Variants in ANKRD44 observed in about 807,000 individuals in gnomAD.
ANKRD44 encodes serine/threonine-protein phosphatase 6 regulatory ankyrin repeat subunit B.
ANKRD44 carries 35 observed loss-of-function variants against 116.0 expected under a neutral mutation model. That is an observed-to-expected ratio of 0.30 (90% CI 0.23 to 0.40). The LOEUF is 0.40. Ranked by LOEUF, ANKRD44 falls within the 10% of genes least tolerant of loss-of-function variation. The pLI, the probability that ANKRD44 is intolerant of heterozygous loss-of-function variation, is 1.00. For synonymous variants in ANKRD44, 435 were observed against 461.8 expected, an observed-to-expected ratio of 0.94 and a Z score of 0.74; for missense variants, 1,014 against 1,242.6, an observed-to-expected ratio of 0.82 and a Z score of 2.77.
chr2:197,092,591 T>C (rs1237035280), intron 10 of ANKRD44, among the ~76,000 whole-genome samples: 1 of 152,212 alleles, frequency 6.6e-6, no homozygotes, highest in Non-Finnish European at 1.5e-5. Flanking sequence ...CCTTTCCCTA[T>C]ATGGAGATTC....
intron 1 of ANKRD44, among the ~76,000 whole-genome samples, chr2:197,259,658 G>A (rs148314393): frequency 2.6e-5 from 4 of 152,236 alleles, no homozygotes; most frequent in Non-Finnish European, 4.4e-5. Flanking sequence ...AGCATATGCC[G>A]CAGACTCCAA....
At chr2:197,082,182 G>T (rs1015836061) in intron 14 of ANKRD44, among the ~76,000 whole-genome samples, 2 of 152,156 alleles carry the variant, frequency 1.3e-5, no homozygotes, top group Non-Finnish European at 2.9e-5. Context: ...CTTGACAGAT[G>T]AAGTATATTG....
chr2:197,306,520 C>T (rs930109200), intron 1 of ANKRD44, among the ~76,000 whole-genome samples: 3 of 152,222 alleles, frequency 2.0e-5, no homozygotes, highest in Non-Finnish European at 4.4e-5. Flanking sequence ...AGTGCACTCT[C>T]AAAACCATGT....
chr2:196,969,062 T>C (rs1347813561), intron 21 of ANKRD44, among the ~76,000 whole-genome samples: 1 of 152,174 alleles, frequency 6.6e-6, no homozygotes, highest in African/African-American at 2.4e-5. Flanking sequence ...ATTCAGGCAC[T>C]GTGTTAGGTA....
At chr2:197,069,135 C>T (rs1213296024) in intron 16 of ANKRD44, among the ~76,000 whole-genome samples, 1 of 152,152 alleles carries the variant, frequency 6.6e-6, no homozygotes, top group East Asian at 1.9e-4. Flanking sequence ...AGGATGAGTT[C>T]ATGTCCTTTG....
chr2:197,281,299 T>G (rs1228255134), intron 1 of ANKRD44, among the ~76,000 whole-genome samples: 2 of 152,132 alleles, frequency 1.3e-5, no homozygotes, highest in African/African-American at 4.8e-5. Context: ...TATTGTAAAT[T>G]CCATTAAGGC....
chr2:197,043,265 T>C (rs952636876), intron 16 of ANKRD44, among the ~76,000 whole-genome samples: 1 of 152,236 alleles, frequency 6.6e-6, no homozygotes, highest in African/African-American at 2.4e-5. Context: ...TAATTCTATA[T>C]CATTCAGAAG....
chr2:197,245,812 C>T (rs1278606791), intron 1 of ANKRD44, among the ~76,000 whole-genome samples: 1 of 152,216 alleles, frequency 6.6e-6, no homozygotes, highest in African/African-American at 2.4e-5. Context: ...CAAATAAAAG[C>T]TCAACCTAAA....
chr2:197,283,076 T>C (rs948130945), intron 1 of ANKRD44, among the ~76,000 whole-genome samples: 4 of 152,188 alleles, frequency 2.6e-5, no homozygotes, highest in African/African-American at 9.7e-5. Flanking sequence ...AATGCTTTTA[T>C]AGATATGTAT....
At chr2:197,200,870 T>C (rs2081078768) in intron 1 of ANKRD44, among the ~76,000 whole-genome samples, 4 of 152,244 alleles carry the variant, frequency 2.6e-5, no homozygotes. Flanking sequence ...TCACTCTATG[T>C]TGCAATAGTA....
chr2:197,270,195 G>A (rs1192677407), intron 1 of ANKRD44, among the ~76,000 whole-genome samples: 1 of 152,148 alleles, frequency 6.6e-6, no homozygotes, highest in East Asian at 1.9e-4. Context: ...AGCAGGGATT[G>A]GGGGACAGGG....
chr2:197,180,148 C>T (rs1342021380), intron 2 of ANKRD44, among the ~76,000 whole-genome samples: 1 of 151,940 alleles, frequency 6.6e-6, no homozygotes, highest in African/African-American at 2.4e-5. Context: ...ACACTGGGGC[C>T]CTTGGCTTCG....
intron 1 of ANKRD44, among the ~76,000 whole-genome samples, chr2:197,292,597 A>T (rs1259305719): frequency 6.6e-6 from 1 of 152,328 alleles, no homozygotes; most frequent in Non-Finnish European, 1.5e-5. Context: ...TTTGTGATGA[A>T]AAACTTTAGA....
intron 21 of ANKRD44, among the ~76,000 whole-genome samples, chr2:196,967,731 T>C (rs1232207731): frequency 6.6e-6 from 1 of 152,148 alleles, no homozygotes; most frequent in Non-Finnish European, 1.5e-5. Flanking sequence ...GGAAAGAAAC[T>C]CAACTGATAG....
intron 16 of ANKRD44, among the ~76,000 whole-genome samples, chr2:197,040,212 T>G (rs1384167096): frequency 6.6e-5 from 10 of 151,478 alleles, no homozygotes; most frequent in Non-Finnish European, 4.4e-5. Flanking sequence ...GACTCCAGCC[T>G]GGGCAACAGA....
At chr2:197,290,532 G>C (rs922369373) in intron 1 of ANKRD44, among the ~76,000 whole-genome samples, 93 of 152,016 alleles carry the variant, frequency 6.1e-4, no homozygotes, top group African/African-American at 2.1e-3. Context: ...AACTCCCTCT[G>C]TATCATCCCA....
intron 13 of ANKRD44, 109 bp from the exon 14 acceptor site, chr2:197,083,618 T>G: frequency 7.9e-7 from 1 of 1,265,638 alleles, no homozygotes; most frequent in Admixed American, 2.5e-5. Context: ...TCTTGGACTC[T>G]CAGAGTGTGT....
intron 2 of ANKRD44, among the ~76,000 whole-genome samples, chr2:197,153,475 T>A (rs1161945897): frequency 6.6e-6 from 1 of 152,018 alleles, no homozygotes; most frequent in Non-Finnish European, 1.5e-5. Flanking sequence ...ACCTCGGAAG[T>A]ATTTCAAATT....
At chr2:196,995,312 T>G (rs554837936) in intron 26 of ANKRD44, 67 bp downstream of exon 26, 566 of 1,185,760 alleles carry the variant, frequency 4.8e-4, no homozygotes, top group Middle Eastern at 1.6e-3. Context: ...CACAGCAGGC[T>G]CTTAATACTT....
Sources: gnomAD v4.1 joint callset for allele counts (sites outside exome capture counted in the v4.1 genomes callset) on GRCh38, gnomAD v4.1.1 for gene constraint, MANE v1.5 for transcripts, NCBI Gene and HGNC (gene_info 2026-07-23, HGNC 2026-07-21) for gene names.